REDIC1: variants seen among roughly 807,000 people sequenced by gnomAD.
REDIC1 encodes the protein HEI10 Interacting Protein 1.
At chr12:39,832,578 C>T in the REDIC1 span, among the ~76,000 whole-genome samples, 2 of 151,996 alleles carry the variant, frequency 1.3e-5, no homozygotes, top group South Asian at 4.2e-4. Context: ...ATTAAATGAT[C>T]TTCCTGTGAC....
the REDIC1 span, among the ~76,000 whole-genome samples, chr12:39,649,439 T>A: frequency 6.6e-6 from 1 of 151,914 alleles, no homozygotes; most frequent in African/African-American, 2.4e-5. Flanking sequence ...TTGATTTGTT[T>A]CTTATTTTAA....
chr12:39,818,244 T>A, the REDIC1 span, among the ~76,000 whole-genome samples: 1 of 152,070 alleles, frequency 6.6e-6, no homozygotes, highest in Admixed American at 6.6e-5. Flanking sequence ...AACTGAGGAG[T>A]TGATTTTTGA....
the REDIC1 span, among the ~76,000 whole-genome samples, chr12:39,705,093 TA>T: frequency 6.7e-6 from 1 of 149,326 alleles, no homozygotes; most frequent in Non-Finnish European, 1.5e-5. Flanking sequence ...AAAATTAAAT[TA>T]AAAAAATAAA....
chr12:39,704,735 T>C, the REDIC1 span, among the ~76,000 whole-genome samples: 1 of 152,200 alleles, frequency 6.6e-6, no homozygotes, highest in Admixed American at 6.5e-5. Flanking sequence ...TGGAATACTA[T>C]GCAGCCATAA....
the REDIC1 span, among the ~76,000 whole-genome samples, chr12:39,727,806 G>A: frequency 8.5e-5 from 13 of 152,114 alleles, no homozygotes; most frequent in African/African-American, 2.9e-4. Context: ...TCTTCCATTT[G>A]TTTGTGTCCT....
chr12:39,907,756 T>C, the REDIC1 span: 2 of 152,184 alleles, frequency 1.3e-5, no homozygotes, highest in Non-Finnish European at 2.9e-5. Flanking sequence ...AGTATGTGGA[T>C]TGGACACATG....
At chr12:39,638,308 G>C in the REDIC1 span, among the ~76,000 whole-genome samples, 1 of 151,948 alleles carries the variant, frequency 6.6e-6, no homozygotes. Context: ...TGAATTTTCA[G>C]GGACAGAGAT....
At chr12:39,887,469 T>TA in the REDIC1 span, among the ~76,000 whole-genome samples, 9 of 151,976 alleles carry the variant, frequency 5.9e-5, no homozygotes, top group African/African-American at 2.4e-5. Context: ...CAGTGGAATG[T>TA]AAAAAAGGGA....
chr12:39,896,503 TATGTAC>T, the REDIC1 span, among the ~76,000 whole-genome samples: 1 of 146,456 alleles, frequency 6.8e-6, no homozygotes, highest in Non-Finnish European at 1.5e-5. Context: ...CACATATATG[TATGTAC>T]ATGTGTGTAT....
the REDIC1 span, among the ~76,000 whole-genome samples, chr12:39,684,682 T>C: frequency 1.3e-5 from 2 of 152,188 alleles, no homozygotes; most frequent in South Asian, 2.1e-4. Context: ...TTTTAAACTA[T>C]AGAATACCAA....
At chr12:39,829,893 CA>C in the REDIC1 span, 1 of 611,676 alleles carries the variant, frequency 1.6e-6, no homozygotes, top group Non-Finnish European at 2.7e-6. Flanking sequence ...TCTGGGTCTC[CA>C]AAAGTCTAGG....
the REDIC1 span, among the ~76,000 whole-genome samples, chr12:39,687,275 G>A: frequency 1.3e-5 from 2 of 152,086 alleles, no homozygotes; most frequent in Admixed American, 1.3e-4. Flanking sequence ...GTATTAGTCT[G>A]TTCTCACATT....
the REDIC1 span, among the ~76,000 whole-genome samples, chr12:39,792,738 T>A: frequency 6.6e-6 from 1 of 152,074 alleles, no homozygotes; most frequent in South Asian, 2.1e-4. Flanking sequence ...AAGTACTGTA[T>A]TTTTTTATTC....
At chr12:39,717,239 C>A in the REDIC1 span, among the ~76,000 whole-genome samples, 1 of 151,454 alleles carries the variant, frequency 6.6e-6, no homozygotes, top group African/African-American at 2.4e-5. Context: ...AGTCAGAAAT[C>A]TGAATAAAAG....
At chr12:39,827,661 T>G in the REDIC1 span, among the ~76,000 whole-genome samples, 15 of 152,296 alleles carry the variant, frequency 9.8e-5, no homozygotes, top group African/African-American at 3.6e-4. Context: ...CTCAGTCTAC[T>G]ACATTTTCTA....
chr12:39,650,228 T>C, the REDIC1 span: 4 of 1,552,766 alleles, frequency 2.6e-6, no homozygotes, highest in African/African-American at 4.2e-5. This position sits in a 1 kb window ranked among gnomAD's most constrained non-coding sequence, Gnocchi z 4.3. Context: ...TCTTCAAATT[T>C]TTTTTTTCAG....
chr12:39,626,231 C>G, the REDIC1 span: 82 of 1,266,102 alleles, frequency 6.5e-5, no homozygotes, highest in Non-Finnish European at 8.3e-5. Flanking sequence ...CGGGCCCTGA[C>G]GTTGTCAGGA....
At chr12:39,830,252 T>C in the REDIC1 span, 1 of 1,606,934 alleles carries the variant, frequency 6.2e-7, no homozygotes, top group Non-Finnish European at 8.5e-7. Flanking sequence ...AGAGTTACCG[T>C]CATGTTGGCA....
At chr12:39,860,257 A>G in the REDIC1 span, among the ~76,000 whole-genome samples, 1 of 152,234 alleles carries the variant, frequency 6.6e-6, no homozygotes, top group Non-Finnish European at 1.5e-5. Flanking sequence ...AAAGGCTTGA[A>G]TTAGGTTACA....
Sources: gnomAD v4.1 joint callset for allele counts (sites outside exome capture counted in the v4.1 genomes callset) on GRCh38, gnomAD v4.1.1 for gene constraint, Gnocchi (gnomAD v3.1) non-coding constraint, MANE v1.5 for transcripts, NCBI Gene and HGNC (gene_info 2026-07-23, HGNC 2026-07-21) for gene names.